KIAA1755: variants seen among roughly 807,000 people sequenced by gnomAD.
KIAA1755 encodes uncharacterized protein KIAA1755.
Under a neutral mutation model 91.7 loss-of-function variants are expected in KIAA1755, and 68 were observed. The ratio of observed to expected loss-of-function variants is 0.74; its 90% CI spans 0.61 to 0.91. The LOEUF is 0.91. Ranked by LOEUF, KIAA1755 falls within the 40% of genes least tolerant of loss-of-function variation. The pLI is 0.00. For missense variants in KIAA1755, 1,535 were observed against 1,494.4 expected (o/e 1.03, Z -0.45); for synonymous variants, 610 against 604.6 (o/e 1.01, Z -0.13).
intron 2 of KIAA1755, among the ~76,000 whole-genome samples, chr20:38,244,885 G>A (rs1018388767): frequency 4.0e-5 from 6 of 151,792 alleles, no homozygotes; most frequent in Admixed American, 1.3e-4. Context: ...GTGCCACCAC[G>A]CCCGGCTAAT....
intron 9 of KIAA1755, among the ~76,000 whole-genome samples, 177 bp downstream of exon 9, chr20:38,223,361 G>T (rs1330239750): frequency 6.6e-6 from 1 of 152,252 alleles, no homozygotes; most frequent in Non-Finnish European, 1.5e-5. Context: ...GTTTGCTCCA[G>T]GCTGGTCTCC....
intron 2 of KIAA1755, among the ~76,000 whole-genome samples, chr20:38,243,030 C>T (rs181520553): frequency 1.8e-4 from 28 of 152,258 alleles, no homozygotes; most frequent in Middle Eastern, 3.4e-3. Context: ...CTGGGCTGTG[C>T]GGGACCAGTG....
intron 1 of KIAA1755, among the ~76,000 whole-genome samples, chr20:38,255,529 G>A (rs1255844257): frequency 2.6e-5 from 4 of 152,220 alleles, no homozygotes; most frequent in Non-Finnish European, 4.4e-5. Flanking sequence ...ATACGGCCCA[G>A]CGGGTGTCAG....
rs138150915 is a variant in KIAA1755, at chr20:38,228,200, C to A, written c.1912G>T (p.Ala638Ser). Residue 638 changes from alanine (A) to serine (S), a missense_variant, in exon 6 of 14, where the codon GCC (alanine) becomes TCC (serine). Ala to Ser is a moderately conservative substitution (Grantham distance 99). Coordinates refer to ENST00000279024, the MANE Select transcript of KIAA1755 (RefSeq NM_001029864.2). Reference protein sequence around the residue: ...KAKGLAVLIDARRQPPQPGLV... With the variant: ...KAKGLAVLIDSRRQPPQPGLV... ...CCGGGCTGTGGGGGCTGTCTCCTGG[C>A]GTCAATCAGGACCGCCAGCCCCTTG... The A allele has an allele frequency of 6.9e-6, 11 of 1,604,318 alleles. No homozygotes were observed. Among genetic ancestry groups the A allele is most frequent in the South Asian group, 2.3e-5 (2 of 88,484 alleles).
In KIAA1755 at chr20:38,218,322, T is replaced by G. The variant is rs778804553; in HGVS notation, c.2601A>C (p.Ser867=). The G allele has an allele frequency of 3.1e-6, 5 of 1,614,064 alleles. No individual in the cohort carries two copies. In the East Asian group the frequency reaches 1.1e-4, roughly 36 times the overall value. The change falls in exon 12 of 14, where the codon TCA becomes TCC. Residue 867 remains serine (S), a synonymous_variant. Coordinates refer to ENST00000279024, the MANE Select transcript of KIAA1755 (RefSeq NM_001029864.2). The part of the protein sequence containing the change: ...MEQEGRRCLQ[S]LTPKDGSLET... ...CCAAACTTCCATCCTTGGGGGTCAG[T>G]GATTGCAGGCACCGCCTTCCTTCCT...
intron 4 of KIAA1755, among the ~76,000 whole-genome samples, chr20:38,234,674 G>C (rs1242221719): frequency 2.0e-5 from 3 of 152,136 alleles, no homozygotes; most frequent in South Asian, 2.1e-4. Context: ...AGCAGCAAAG[G>C]GTTCACACAC....
chr20:38,260,657 G>T lies in KIAA1755; in HGVS notation c.-157C>A. On this transcript the variant is annotated 5_prime_UTR_variant, in exon 1 of 14. Transcript: ENST00000279024. Reference sequence around the variant, plus strand: ...GGGCACCGACCCCGGCGTCATCTCGGAGGAGCGGCCGGGGAGGACAGGGAG... The same window carrying T: ...GGGCACCGACCCCGGCGTCATCTCGTAGGAGCGGCCGGGGAGGACAGGGAG... 1.2e-6 allele frequency: 1 copy of T among 824,618 alleles called. No homozygotes were observed. 51.1% of individuals were successfully genotyped at this position (824,618 alleles called of 1,614,324 possible). A position where few individuals can be genotyped will look rare whatever the true frequency, so the allele number is the denominator to read the frequency against.
intron 7 of KIAA1755, 22 bp downstream of exon 7, chr20:38,227,132 G>T: frequency 6.3e-7 from 1 of 1,596,708 alleles, no homozygotes; most frequent in Non-Finnish European, 8.6e-7. Flanking sequence ...TTCCTCAACC[G>T]CCGACCCTGA....
intron 2 of KIAA1755, among the ~76,000 whole-genome samples, chr20:38,242,207 T>G (rs1379316427): frequency 6.6e-6 from 1 of 152,218 alleles, no homozygotes; most frequent in Non-Finnish European, 1.5e-5. Context: ...GTGGTCCCCT[T>G]GCTTGGCTCA....
chr20:38,231,397 G>C (rs2075861790), intron 4 of KIAA1755, 72 bp from the exon 5 acceptor site: 2 of 1,466,304 alleles, frequency 1.4e-6, no homozygotes, highest in African/African-American at 2.8e-5. Flanking sequence ...CCTGTGGCCT[G>C]CAGACCTTTG....
At position 38,213,588 on chromosome 20, in the gene KIAA1755, C is replaced by A. The variant is rs1246720197; in HGVS notation, c.3057G>T (p.Leu1019=). 2 of 1,608,422 alleles carry A rather than the reference C, an allele frequency of 1.2e-6. No individual in the cohort carries two copies. Among genetic ancestry groups the A allele is most frequent in the Admixed American group, 1.7e-5 (1 of 59,728 alleles). The stretch of plus-strand genomic sequence containing the variant: ...CTGCCCGGCTCAGGGAGGCCACCTG[C>A]AGCCCCACGGCTGCGAGCTTCTCAG... ...FPAEKLAAVG[L]QVASLSRAGL... is the part of the protein sequence containing the mutation. Residue 1019 remains leucine, a synonymous_variant, in exon 14 of 14, where the codon CTG becomes CTT. Coordinates refer to ENST00000279024, the MANE Select transcript of KIAA1755 (RefSeq NM_001029864.2).
Position 38,241,284 on chromosome 20 carries a change from G to T in KIAA1755, c.847C>A (p.Gln283Lys), listed in dbSNP as rs1478899960. Residue 283 changes from glutamine (Q) to lysine (K), a missense_variant, in exon 3 of 14, where the codon CAA becomes AAA. By Grantham distance (53) the Gln-to-Lys change is moderately conservative. Coordinates refer to ENST00000279024, the MANE Select transcript of KIAA1755 (RefSeq NM_001029864.2). ...GDYVALLGFS[Q>K]ESRGESPSRE... The stretch of plus-strand genomic sequence containing the variant: ...CTGGGAGACTCTCCTCTGCTCTCTT[G>T]GGAAAAGCCTAGGAGAGCCACATAG... 1 of 1,614,098 alleles carries T rather than the reference G, an allele frequency of 6.2e-7. No individual in the cohort carries two copies.
chr20:38,226,631 C>T (rs1054770232), intron 7 of KIAA1755, among the ~76,000 whole-genome samples: 3 of 152,188 alleles, frequency 2.0e-5, no homozygotes, highest in African/African-American at 7.2e-5. Context: ...TTACTCATTA[C>T]TGTGGTGTAT....
chr20:38,223,558 C>A lies in KIAA1755; in HGVS notation c.2248G>T (p.Asp750Tyr). 6.3e-7 allele frequency: 1 copy of A among 1,597,394 alleles called. No individual in the cohort carries two copies. The highest frequency in any genetic ancestry group is 1.1e-5 in the South Asian group (1 of 88,316). The change falls in exon 9 of 14, where the codon GAC becomes TAC. Residue 750 changes from aspartate to tyrosine, a missense_variant. By Grantham distance (160) the Asp-to-Tyr change is radical (BLOSUM62 -3). Coordinates refer to ENST00000279024, the MANE Select transcript of KIAA1755 (RefSeq NM_001029864.2). ...CTCACCTGCATCCCCCCAGGGGGGT[C>A]GGCCTTCTCGAATTCCTCGATGGAA... is the stretch of plus-strand genomic sequence containing the variant. Reference protein sequence around the residue: ...QASIEEFEKADPPGGMQEATR... With the variant: ...QASIEEFEKAYPPGGMQEATR...
rs187821411 is a variant in KIAA1755, at chr20:38,238,297, T to C, written c.1747+1231A>G. Among the ~76,000 whole-genome samples, 10 of 152,254 alleles carry C rather than the reference T, an allele frequency of 6.6e-5. No homozygotes were observed. The East Asian group carries it at 1.9e-3, about 29-fold the overall frequency. ...CAAAGATGACCAGGAAAATGACAGA[T>C]AAGGTCTCCTGGGAGCTGCAAAAAG... On this transcript the variant is annotated intron_variant, in intron 4 of 13. Transcript: ENST00000279024.
intron 3 of KIAA1755, 118 bp from the exon 4 acceptor site, chr20:38,239,843 A>G: frequency 1.0e-6 from 1 of 966,658 alleles, no homozygotes; most frequent in Non-Finnish European, 1.6e-6. Flanking sequence ...GATCTCTCCC[A>G]TGTGCCAGGC....
At chr20:38,219,834 C>G in intron 10 of KIAA1755, 66 bp from the exon 11 acceptor site, 6 of 1,580,080 alleles carry the variant, frequency 3.8e-6, no homozygotes, top group African/African-American at 1.3e-5. Context: ...ACTTCTGTCC[C>G]GCATAGGCCT....
At chr20:38,254,068 AGAGAC>A (rs1213082243) in intron 1 of KIAA1755, among the ~76,000 whole-genome samples, 1 of 152,144 alleles carries the variant, frequency 6.6e-6, no homozygotes, top group Admixed American at 6.6e-5. Flanking sequence ...TATTTTTAGT[AGAGAC>A]AGGGTTTCAT....
intron 1 of KIAA1755, among the ~76,000 whole-genome samples, chr20:38,250,754 C>T (rs1304400541): frequency 2.0e-5 from 3 of 151,726 alleles, no homozygotes; most frequent in Non-Finnish European, 4.4e-5. Context: ...ATGTAGCCCA[C>T]GAAAAAACTG....
Sources: allele counts gnomAD v4.1 joint callset (sites outside exome capture counted in the v4.1 genomes callset), GRCh38; gene constraint gnomAD v4.1.1; transcripts MANE v1.5; gene names NCBI Gene and HGNC (gene_info 2026-07-23, HGNC 2026-07-21).